The following ADAMTSL1 variants were observed in gnomAD, a reference collection of about 807,000 sequenced individuals.
ADAMTSL1 encodes ADAMTS like 1.
Under a neutral mutation model 201.8 loss-of-function variants are expected in ADAMTSL1, and 126 were observed. The observed-to-expected ratio is 0.62, with a 90% CI of 0.54 to 0.72. The LOEUF (loss-of-function observed/expected upper bound fraction) is 0.72. ADAMTSL1 is among the 30% of genes least tolerant of loss of function. The pLI is 0.00. For synonymous variants in ADAMTSL1, 1,121 were observed against 903.4 expected (o/e 1.24, Z -4.32); for missense variants, 2,679 against 2,277.8 (o/e 1.18, Z -3.59).
chr9:18,142,434 A>T (rs751834167), intron 1 of ADAMTSL1, among the ~76,000 whole-genome samples: 1 of 152,220 alleles, frequency 6.6e-6, no homozygotes, highest in African/African-American at 2.4e-5. Flanking sequence ...TTAAAACCTT[A>T]GAAATCTCTT....
At chr9:18,091,884 T>C (rs186710818) in intron 1 of ADAMTSL1, among the ~76,000 whole-genome samples, 50 of 152,158 alleles carry the variant, frequency 3.3e-4, no homozygotes, top group African/African-American at 1.1e-3. Context: ...AGTGGTATAA[T>C]TAGTGAACGC....
intron 2 of ADAMTSL1, among the ~76,000 whole-genome samples, chr9:18,303,436 G>T (rs746766243): frequency 6.6e-5 from 10 of 152,176 alleles, no homozygotes; most frequent in Non-Finnish European, 1.5e-4. Flanking sequence ...CACAGGGAAA[G>T]GGGAACATAA....
intron 12 of ADAMTSL1, among the ~76,000 whole-genome samples, chr9:18,683,233 T>G (rs1431626891): frequency 6.6e-6 from 1 of 150,638 alleles, no homozygotes. Flanking sequence ...TTTTTTTGTT[T>G]TTTTTTTTTG....
At chr9:18,457,982 G>A (rs769572791) in intron 2 of ADAMTSL1, among the ~76,000 whole-genome samples, 4 of 152,176 alleles carry the variant, frequency 2.6e-5, no homozygotes, top group Non-Finnish European at 5.9e-5. Flanking sequence ...AAATCCATTA[G>A]ATGGAAGAGA....
At chr9:18,730,683 A>C (rs1818163152) in intron 15 of ADAMTSL1, among the ~76,000 whole-genome samples, 1 of 152,228 alleles carries the variant, frequency 6.6e-6, no homozygotes, top group Non-Finnish European at 1.5e-5. Flanking sequence ...CACTGCATTA[A>C]CACAGCTCCC....
chr9:18,875,083 T>G (rs547717850), intron 23 of ADAMTSL1, among the ~76,000 whole-genome samples: 12 of 152,250 alleles, frequency 7.9e-5, no homozygotes, highest in African/African-American at 2.4e-4. Flanking sequence ...TGAATGATCT[T>G]TTGTATTTCT....
At chr9:17,947,752 C>G (rs1827567811) in intron 1 of ADAMTSL1, among the ~76,000 whole-genome samples, 1 of 152,158 alleles carries the variant, frequency 6.6e-6, no homozygotes, top group South Asian at 2.1e-4. Flanking sequence ...ATAAGTCAAG[C>G]ATCCAGTTAA....
At chr9:18,001,075 G>A (rs1005586889) in intron 1 of ADAMTSL1, among the ~76,000 whole-genome samples, 9 of 151,840 alleles carry the variant, frequency 5.9e-5, no homozygotes, top group African/African-American at 2.2e-4. Context: ...AAAAATGAAT[G>A]GGAATCAGGG....
intron 2 of ADAMTSL1, among the ~76,000 whole-genome samples, chr9:18,274,036 G>A (rs1832489422): frequency 6.6e-6 from 1 of 152,124 alleles, no homozygotes; most frequent in South Asian, 2.1e-4. Context: ...TAAACTTTAG[G>A]TTTAGATAAT....
chr9:18,659,910 TG>T (rs1828959444), intron 8 of ADAMTSL1, among the ~76,000 whole-genome samples: 9 of 97,488 alleles, frequency 9.2e-5, no homozygotes, highest in Admixed American at 8.6e-4. Flanking sequence ...ATCTAAGGTT[TG>T]TTTTTTTTAA....
At chr9:18,573,965 C>A in intron 3 of ADAMTSL1, 65 bp from the exon 4 acceptor site, 1 of 1,338,148 alleles carries the variant, frequency 7.5e-7, no homozygotes, top group Non-Finnish European at 1.0e-6. Flanking sequence ...CATATAGCTG[C>A]TCTGGTTTCA....
intron 4 of ADAMTSL1, among the ~76,000 whole-genome samples, chr9:18,591,741 A>G (rs1273079747): frequency 1.3e-5 from 2 of 152,198 alleles, no homozygotes; most frequent in Admixed American, 1.3e-4. Context: ...AGCCATTACA[A>G]TCAGTACATT....
intron 1 of ADAMTSL1, among the ~76,000 whole-genome samples, chr9:18,068,649 G>A (rs1822817524): frequency 6.6e-6 from 1 of 152,188 alleles, no homozygotes; most frequent in Non-Finnish European, 1.5e-5. Flanking sequence ...AGCCATGACT[G>A]ACTATGTGTC....
intron 2 of ADAMTSL1, among the ~76,000 whole-genome samples, chr9:18,245,660 C>T (rs760922265): frequency 6.6e-6 from 1 of 151,354 alleles, no homozygotes; most frequent in Non-Finnish European, 1.5e-5. Flanking sequence ...GTTCCCAGGA[C>T]CTAGATTAGT....
rs149408806 is a variant in ADAMTSL1, at chr9:18,596,507, C to T, written c.474+22241C>T. Among the ~76,000 whole-genome samples the T allele has an allele frequency of 1.3e-3, 201 of 152,262 alleles. 1 individual carries two copies. The highest frequency in any genetic ancestry group is 4.5e-3 in the African/African-American group (185 of 41,556). On this transcript the variant is annotated intron_variant, in intron 4 of 28. Coordinates refer to ENST00000380548, the MANE Select transcript of ADAMTSL1 (RefSeq NM_001040272.6). The stretch of plus-strand genomic sequence containing the variant: ...TTGGGCACTGAGCACTGACATGGTG[C>T]CTCAGCCTCCTGAGTAGCTGGGATT...
At chr9:18,412,999 C>T (rs1397111700) in intron 2 of ADAMTSL1, among the ~76,000 whole-genome samples, 3 of 151,620 alleles carry the variant, frequency 2.0e-5, no homozygotes, top group Admixed American at 6.6e-5. Context: ...ATTGCCTTGT[C>T]GTTTTTTGTT....
chr9:18,126,057 C>G (rs980787323), intron 1 of ADAMTSL1, among the ~76,000 whole-genome samples: 11 of 152,194 alleles, frequency 7.2e-5, no homozygotes, highest in African/African-American at 1.7e-4. Context: ...CGTCATGGAG[C>G]TGACACATCA....
intron 2 of ADAMTSL1, among the ~76,000 whole-genome samples, chr9:18,438,992 T>G (rs150968072): frequency 1.6e-5 from 1 of 62,262 alleles, no homozygotes; most frequent in African/African-American, 4.0e-5. Context: ...TGTTGACAGG[T>G]TTTTTTTTTT....
At chr9:18,158,799 A>T (rs1827265125) in intron 1 of ADAMTSL1, among the ~76,000 whole-genome samples, 1 of 151,974 alleles carries the variant, frequency 6.6e-6, no homozygotes, top group Non-Finnish European at 1.5e-5. Flanking sequence ...ATACTTTCAC[A>T]CTGGGACCAG....
Sources: gnomAD v4.1 joint callset for allele counts (sites outside exome capture counted in the v4.1 genomes callset) on GRCh38, gnomAD v4.1.1 for gene constraint, MANE v1.5 for transcripts, NCBI Gene and HGNC (gene_info 2026-07-23, HGNC 2026-07-21) for gene names.